Variants in APBB1IP observed in about 807,000 individuals in gnomAD.
APBB1IP encodes the protein amyloid beta precursor protein binding family B member 1 interacting protein, also known as amyloid beta A4 precursor protein-binding family B member 1-interacting protein.
Under a neutral mutation model 64.9 loss-of-function variants are expected in APBB1IP, and 27 were observed. The observed-to-expected ratio is 0.42, with a 90% CI of 0.31 to 0.57. The LOEUF (loss-of-function observed/expected upper bound fraction) is 0.57. Ranked by LOEUF, APBB1IP falls within the 20% of genes least tolerant of loss-of-function variation. The pLI is 0.20. For synonymous variants in APBB1IP, 392 were observed against 331.0 expected, an observed-to-expected ratio of 1.18 and a Z score of -2.00; for missense variants, 812 against 845.5, an observed-to-expected ratio of 0.96 and a Z score of 0.49.
chr10:26,516,061 G>T (rs940268460), intron 8 of APBB1IP, among the ~76,000 whole-genome samples: 2 of 152,102 alleles, frequency 1.3e-5, no homozygotes, highest in African/African-American at 4.8e-5. Flanking sequence ...ACAGAACAAA[G>T]GGAATCTGGC....
rs556997312 is a variant in APBB1IP, at chr10:26,510,158, C to T, written c.532-1589C>T. Among the ~76,000 whole-genome samples, 200 of 152,122 alleles carry T rather than the reference C, an allele frequency of 1.3e-3. 1 individual carries two copies. Among genetic ancestry groups the T allele is most frequent in the Non-Finnish European group, 1.6e-3 (107 of 67,992 alleles). On this transcript the variant is annotated intron_variant, in intron 6 of 14. Transcript: ENST00000376236. ...CTAACTTCTGTATTTTTAGTAGAGACGGGGTTTCATCATGTTGGTCAGGCT... is the reference window on the plus strand; with the variant it reads ...CTAACTTCTGTATTTTTAGTAGAGATGGGGTTTCATCATGTTGGTCAGGCT...
intron 6 of APBB1IP, among the ~76,000 whole-genome samples, chr10:26,504,613 G>A (rs1232445144): frequency 6.6e-6 from 1 of 151,980 alleles, no homozygotes; most frequent in Non-Finnish European, 1.5e-5. Context: ...AGCAGGCTGA[G>A]GCAGGATAAT....
At chr10:26,491,545 T>C (rs1389951917) in intron 2 of APBB1IP, among the ~76,000 whole-genome samples, 1 of 152,208 alleles carries the variant, frequency 6.6e-6, no homozygotes, top group Non-Finnish European at 1.5e-5. Context: ...GGGCAATTGC[T>C]TCATTTGGTT....
At chr10:26,535,529 T>A (rs1836610171) in intron 9 of APBB1IP, among the ~76,000 whole-genome samples, 1 of 152,208 alleles carries the variant, frequency 6.6e-6, no homozygotes. Flanking sequence ...CACCCTGCTT[T>A]GCTTTCAAAT....
chr10:26,488,380 C>G (rs1472317203), intron 2 of APBB1IP, among the ~76,000 whole-genome samples: 1 of 152,054 alleles, frequency 6.6e-6, no homozygotes, highest in Non-Finnish European at 1.5e-5. Context: ...GGACTACATG[C>G]ACGTGCCCCC....
At chr10:26,441,981 G>A (rs142648902) in intron 2 of APBB1IP, among the ~76,000 whole-genome samples, 6 of 152,284 alleles carry the variant, frequency 3.9e-5, no homozygotes, top group African/African-American at 9.6e-5. Context: ...AGAAACTTAC[G>A]CAGGAAGTAA....
rs747655095 is a variant in APBB1IP, at chr10:26,524,955, C to CTTTCTTTTT, written c.814-8481_814-8480insCTTTTTTTT. Reference sequence around the variant, plus strand: ...TCTTTTTCTTTCTCTTTCTTTCTTTCTTTTTTTTTTTTTTTTTTTATAAAA... The same window carrying CTTTCTTTTT: ...TCTTTTTCTTTCTCTTTCTTTCTTTCTTTCTTTTTTTTTTTTTTTTTTTTTTTTATAAAA... On this transcript the variant is annotated intron_variant, in intron 8 of 14. Coordinates refer to ENST00000376236, the MANE Select transcript of APBB1IP (RefSeq NM_019043.4). Among the ~76,000 whole-genome samples the CTTTCTTTTT allele has an allele frequency of 1.4e-3, 107 of 73,944 alleles. 1 individual carries two copies. The highest frequency in any genetic ancestry group is 2.0e-3 in the African/African-American group (43 of 21,732). 48.5% of individuals were successfully genotyped at this position (73,944 alleles called of 152,430 possible). A position where few individuals can be genotyped will look rare whatever the true frequency, so the allele number is the denominator to read the frequency against.
At chr10:26,524,167 A>G (rs1327040260) in intron 8 of APBB1IP, among the ~76,000 whole-genome samples, 8 of 151,968 alleles carry the variant, frequency 5.3e-5, no homozygotes, top group African/African-American at 1.9e-4. Flanking sequence ...TAGAAACTCA[A>G]CTTCTTCTCC....
At chr10:26,515,923 G>A (rs1263649193) in intron 8 of APBB1IP, among the ~76,000 whole-genome samples, 2 of 152,130 alleles carry the variant, frequency 1.3e-5, no homozygotes, top group Non-Finnish European at 2.9e-5. Flanking sequence ...TTAACAAGAG[G>A]AAAGTATGCA....
At chr10:26,445,012 C>T (rs1352157877) in intron 2 of APBB1IP, among the ~76,000 whole-genome samples, 2 of 151,144 alleles carry the variant, frequency 1.3e-5, no homozygotes, top group Admixed American at 6.6e-5. Context: ...GCAGGAGAAT[C>T]GCTTGAACCC....
At chr10:26,541,070 G>C (rs1206729590) in intron 10 of APBB1IP, among the ~76,000 whole-genome samples, 2 of 151,916 alleles carry the variant, frequency 1.3e-5, no homozygotes, top group South Asian at 4.2e-4. Context: ...AGTCCATCCT[G>C]ACTCTGGGAG....
chr10:26,516,023 A>G (rs1836321811), intron 8 of APBB1IP, among the ~76,000 whole-genome samples: 1 of 152,204 alleles, frequency 6.6e-6, no homozygotes, highest in African/African-American at 2.4e-5. Flanking sequence ...ATACTTTTTA[A>G]ACAAATAATA....
chr10:26,561,214 G>A (rs776977353), intron 13 of APBB1IP, among the ~76,000 whole-genome samples: 2 of 150,334 alleles, frequency 1.3e-5, no homozygotes, highest in Admixed American at 6.6e-5. Flanking sequence ...GACTACAAGC[G>A]CCCGCCACCA....
chr10:26,553,591 G>A (rs566120266), intron 11 of APBB1IP, among the ~76,000 whole-genome samples: 46 of 152,144 alleles, frequency 3.0e-4, no homozygotes, highest in Admixed American at 2.7e-3. Context: ...CCAGGCGTTG[G>A]AAGTTGCAGG....
intron 8 of APBB1IP, among the ~76,000 whole-genome samples, chr10:26,518,161 G>A (rs1836355817): frequency 6.6e-6 from 1 of 151,942 alleles, no homozygotes; most frequent in South Asian, 2.1e-4. Flanking sequence ...CACCATGTTG[G>A]CCAGACTGGT....
chr10:26,541,408 C>T (rs371233234), intron 10 of APBB1IP, among the ~76,000 whole-genome samples, 174 bp from the exon 11 acceptor site: 4 of 152,132 alleles, frequency 2.6e-5, no homozygotes, highest in African/African-American at 9.7e-5. Context: ...TCCATTCCAA[C>T]CTTTCAGACT....
chr10:26,475,812 TTCTCCCTTCTTCCCCTTC>T (rs1426133595), intron 2 of APBB1IP, among the ~76,000 whole-genome samples: 1 of 152,246 alleles, frequency 6.6e-6, no homozygotes, highest in Non-Finnish European at 1.5e-5. Flanking sequence ...CATTCTGCTC[TTCTCCCTTCTTCCCCTTC>T]TCTGTTTTTT....
chr10:26,485,641 G>A (rs1835882104), intron 2 of APBB1IP, among the ~76,000 whole-genome samples: 1 of 152,212 alleles, frequency 6.6e-6, no homozygotes, highest in Admixed American at 6.5e-5. Context: ...ACAAGCCTAA[G>A]AATTAGGCAT....
chr10:26,467,883 C>G (rs1399432849), intron 2 of APBB1IP, among the ~76,000 whole-genome samples: 1 of 152,184 alleles, frequency 6.6e-6, no homozygotes, highest in Non-Finnish European at 1.5e-5. Context: ...TTTTAAGTGT[C>G]TCGTAATCGC....
Sources: allele counts gnomAD v4.1 joint callset (sites outside exome capture counted in the v4.1 genomes callset), GRCh38; gene constraint gnomAD v4.1.1; transcripts MANE v1.5; gene names NCBI Gene and HGNC (gene_info 2026-07-23, HGNC 2026-07-21).